RBM46: variants seen among roughly 807,000 people sequenced by gnomAD.
The protein encoded by RBM46 is probable RNA-binding protein 46.
In RBM46, 12 loss-of-function variants were observed where a neutral mutation model predicts 43.3. The observed-to-expected ratio is 0.28, with a 90% CI of 0.18 to 0.45. The LOEUF is 0.45. Ranked by LOEUF, RBM46 falls within the 20% of genes least tolerant of loss-of-function variation. The pLI is 1.00. For synonymous variants in RBM46, 205 were observed against 207.6 expected, an observed-to-expected ratio of 0.99 and a Z score of 0.11; for missense variants, 412 against 639.1, an observed-to-expected ratio of 0.64 and a Z score of 3.83.
rs1215583235 is a variant in RBM46 at position 154,798,488 on chromosome 4, A to T, written c.619+210A>T. Among the ~76,000 whole-genome samples, 4 of 152,330 alleles carry T rather than the reference A, an allele frequency of 2.6e-5. No individual in the cohort carries two copies. The South Asian group carries it at 8.3e-4, about 32-fold the overall frequency. On this transcript the variant is annotated intron_variant, in intron 3 of 4. Transcript: ENST00000281722. ...CCTATTTATGATATTTTTACTGGAT[A>T]TATACACTTTGAGCTGTTAATTGTT...
At chr4:154,803,702 CAAAAAAAAAAAAAAAAAA>C (rs35506499) in intron 4 of RBM46, among the ~76,000 whole-genome samples, 1 of 41,324 alleles carries the variant, frequency 2.4e-5, no homozygotes, top group Non-Finnish European at 4.3e-5. Context: ...GACTACGTCT[CAAAAAAAAAAAAAAAAAA>C]AAAAAAAAAA....
chr4:154,797,704 T>C (rs1734422108), intron 2 of RBM46, 107 bp from the exon 3 acceptor site: 5 of 664,864 alleles, frequency 7.5e-6, no homozygotes, highest in Non-Finnish European at 1.2e-5. Context: ...ATACCTAGAA[T>C]TGTGAGTGGC....
At chr4:154,787,398 TGTTCA>T (rs2111091453) in intron 1 of RBM46, 1 of 143,406 alleles carries the variant, frequency 7.0e-6, no homozygotes, top group East Asian at 2.1e-4. Context: ...GTATTCTCAT[TGTTCA>T]GTTCCCACCT....
intron 4 of RBM46, among the ~76,000 whole-genome samples, chr4:154,825,184 T>C (rs1470301438): frequency 6.6e-6 from 1 of 152,128 alleles, no homozygotes; most frequent in Non-Finnish European, 1.5e-5. Context: ...AGGATGTTAA[T>C]TGGGAAGAAA....
intron 4 of RBM46, chr4:154,827,657 T>C (rs1736027893): frequency 1.3e-5 from 18 of 1,363,006 alleles, no homozygotes; most frequent in Non-Finnish European, 1.7e-5. Flanking sequence ...AAACATTGCG[T>C]GAGTAAAGGA....
intron 1 of RBM46, among the ~76,000 whole-genome samples, chr4:154,795,727 C>T (rs369984968): frequency 1.3e-5 from 2 of 151,840 alleles, no homozygotes; most frequent in East Asian, 3.9e-4. Context: ...TTTTATATCA[C>T]CTTGATAGCA....
chr4:154,797,068 T>A (rs1734390084), intron 2 of RBM46, among the ~76,000 whole-genome samples, 165 bp downstream of exon 2: 1 of 152,100 alleles, frequency 6.6e-6, no homozygotes, highest in African/African-American at 2.4e-5. Flanking sequence ...GTTATTCATG[T>A]CTTACCATTA....
chr4:154,827,731 A>G, intron 4 of RBM46, 137 bp from the exon 5 acceptor site: 6 of 1,489,172 alleles, frequency 4.0e-6, no homozygotes, highest in Non-Finnish European at 5.3e-6. Context: ...ATCTTTAACC[A>G]GCAATATAGT....
intron 4 of RBM46, 98 bp from the exon 5 acceptor site, chr4:154,827,770 T>C (rs1736033652): frequency 6.4e-7 from 1 of 1,569,388 alleles, no homozygotes; most frequent in African/African-American, 1.4e-5. Context: ...GTTAGAACAT[T>C]ATGTTAAAAT....
At chr4:154,795,601 T>C (rs970399686) in intron 1 of RBM46, among the ~76,000 whole-genome samples, 1 of 152,058 alleles carries the variant, frequency 6.6e-6, no homozygotes, top group East Asian at 1.9e-4. Context: ...CCAGGTACCT[T>C]TGAAGCTTTT....
In RBM46 at chr4:154,804,663, G is replaced by A. The variant is rs118109177; in HGVS notation, c.1402+5099G>A. Among the ~76,000 whole-genome samples the A allele has an allele frequency of 3.6e-3, 555 of 152,246 alleles. 12 individuals carry two copies. Among genetic ancestry groups the A allele is most frequent in the Admixed American group, 0.022 (329 of 15,288 alleles). On this transcript the variant is annotated intron_variant, in intron 4 of 4. Transcript: ENST00000281722. ...AGCAGGGCATCTCTTCTGTGTTTGT[G>A]TAATACTGATACAAGTGGTATTTTT...
chr4:154,811,669 CTGTGTG>C (rs70947182), intron 4 of RBM46, among the ~76,000 whole-genome samples: 34 of 130,840 alleles, frequency 2.6e-4, no homozygotes, highest in East Asian at 1.8e-3. Flanking sequence ...GTGTGTGTGT[CTGTGTG>C]TGTGTGTGTG....
chr4:154,818,847 G>T (rs2111203038), intron 4 of RBM46, among the ~76,000 whole-genome samples: 1 of 152,148 alleles, frequency 6.6e-6, no homozygotes, highest in South Asian at 2.1e-4. Context: ...AATTTAAAAG[G>T]TTTATCCTAA....
intron 4 of RBM46, chr4:154,826,922 T>C (rs1735994474): frequency 7.5e-7 from 1 of 1,329,894 alleles, no homozygotes; most frequent in Admixed American, 3.6e-5. Context: ...ACCTTACCTG[T>C]ACATTAGATG....
intron 1 of RBM46, among the ~76,000 whole-genome samples, chr4:154,784,527 C>A (rs193017359): frequency 4.6e-5 from 7 of 152,220 alleles, no homozygotes; most frequent in Non-Finnish European, 4.4e-5. Context: ...TGCTTCATAC[C>A]TTAGAGAGGT....
At chr4:154,785,170 TTTGA>T (rs1478558865) in intron 1 of RBM46, among the ~76,000 whole-genome samples, 3 of 152,262 alleles carry the variant, frequency 2.0e-5, no homozygotes, top group Admixed American at 2.0e-4. Flanking sequence ...TTCATAATAT[TTTGA>T]TTGAGATTTC....
At chr4:154,795,294 G>A (rs1734294320) in intron 1 of RBM46, among the ~76,000 whole-genome samples, 2 of 152,108 alleles carry the variant, frequency 1.3e-5, no homozygotes, top group South Asian at 4.1e-4. Context: ...GGAAGAACCA[G>A]GATTCAGATT....
chr4:154,824,080 C>T (rs953808008), intron 4 of RBM46, among the ~76,000 whole-genome samples: 2 of 148,882 alleles, frequency 1.3e-5, no homozygotes, highest in Non-Finnish European at 3.0e-5. Context: ...TATGTCAGAG[C>T]AGTTGTTCTC....
At chr4:154,808,373 C>A (rs919448026) in intron 4 of RBM46, among the ~76,000 whole-genome samples, 5 of 151,866 alleles carry the variant, frequency 3.3e-5, no homozygotes, top group African/African-American at 9.7e-5. Flanking sequence ...ATTAGAGTTA[C>A]TTTTTTTCTT....
Sources: allele counts gnomAD v4.1 joint callset (sites outside exome capture counted in the v4.1 genomes callset), GRCh38; gene constraint gnomAD v4.1.1; transcripts MANE v1.5; gene names NCBI Gene and HGNC (gene_info 2026-07-23, HGNC 2026-07-21).